The following PTPRZ1 variants were observed in gnomAD, a reference collection of about 807,000 sequenced individuals.
The protein encoded by PTPRZ1 is receptor-type tyrosine-protein phosphatase zeta.
PTPRZ1 carries 82 observed loss-of-function variants against 214.1 expected under a neutral mutation model. That is an observed-to-expected ratio of 0.38 (90% confidence interval 0.32 to 0.46). The LOEUF (loss-of-function observed/expected upper bound fraction) is 0.46. Ranked by LOEUF, PTPRZ1 falls within the 20% of genes least tolerant of loss-of-function variation. The pLI, the probability that PTPRZ1 is intolerant of heterozygous loss-of-function variation, is 1.00. For missense variants in PTPRZ1, 2,603 were observed against 2,748.7 expected (o/e 0.95, Z 1.19); for synonymous variants, 945 against 987.9 (o/e 0.96, Z 0.81).
At chr7:121,996,671 C>G (rs1053719999) in intron 9 of PTPRZ1, 105 bp downstream of exon 9, 2 of 948,294 alleles carry the variant, frequency 2.1e-6, no homozygotes, top group Admixed American at 5.8e-5. Flanking sequence ...TACTTTTAGA[C>G]TTTATGTGAA....
chr7:122,040,342 A>T (rs1205148026), intron 20 of PTPRZ1, among the ~76,000 whole-genome samples: 2 of 152,232 alleles, frequency 1.3e-5, no homozygotes, highest in African/African-American at 2.4e-5. Flanking sequence ...GGATTAGCAA[A>T]TCTTAAACCT....
At chr7:121,962,290 T>C (rs1490052887) in intron 2 of PTPRZ1, among the ~76,000 whole-genome samples, 1 of 151,552 alleles carries the variant, frequency 6.6e-6, no homozygotes, top group African/African-American at 2.4e-5. Flanking sequence ...CTACTAAAAA[T>C]ACAAAAAGTT....
rs183878270 is a variant in PTPRZ1, at chr7:121,906,193, A to G, written c.59-21963A>G. On this transcript the variant is annotated intron_variant, in intron 1 of 29. Transcript: ENST00000393386. ...TCTCTACCTCCATTTAAAGGAAGCAATTATTCCAAAAGCACAGGATCTCTG... is the reference window on the plus strand; with the variant it reads ...TCTCTACCTCCATTTAAAGGAAGCAGTTATTCCAAAAGCACAGGATCTCTG... 1.9e-3 allele frequency among the ~76,000 whole-genome samples: 292 copies of G among 152,262 alleles called. 1 individual carries two copies. The highest frequency in any genetic ancestry group is 3.3e-3 in the Admixed American group (51 of 15,280).
rs1302448770 is a variant in PTPRZ1 at position 122,010,827 on chromosome 7, C to T, written c.1781C>T (p.Ser594Phe). 4 of 1,613,998 alleles carry T rather than the reference C, an allele frequency of 2.5e-6. No homozygotes were observed. The African/African-American group carries it at 4.0e-5, about 16-fold the overall frequency. Residue 594 changes from serine to phenylalanine, a missense_variant, in exon 12 of 30, where the codon TCT becomes TTT. Physicochemically the swap from Ser to Phe is radical, Grantham distance 155 (BLOSUM62 -2). Around this residue, in one of 6 missense-constraint regions of PTPRZ1, gnomAD observed 1,913 missense variants for 1,914.3 expected, o/e 1.00. Coordinates refer to ENST00000393386, the MANE Select transcript of PTPRZ1 (RefSeq NM_002851.3). Reference protein sequence around the residue: ...EDSSGSSPATSAIPFISENIS... With the variant: ...EDSSGSSPATFAIPFISENIS... ...TCTTCAGGCTCCAGTCCCGCAACTTCTGCTATCCCATTCATCTCTGAGAAC... is the reference window on the plus strand; with the variant it reads ...TCTTCAGGCTCCAGTCCCGCAACTTTTGCTATCCCATTCATCTCTGAGAAC...
intron 2 of PTPRZ1, among the ~76,000 whole-genome samples, chr7:121,950,009 A>G (rs970201495): frequency 1.3e-5 from 2 of 152,218 alleles, no homozygotes; most frequent in Non-Finnish European, 2.9e-5. Context: ...TGATAAAGAC[A>G]TACCCGCGAC....
chr7:122,051,372 T>TA (rs1305647569), intron 23 of PTPRZ1, 56 bp from the exon 24 acceptor site: 37 of 1,179,860 alleles, frequency 3.1e-5, no homozygotes, highest in Non-Finnish European at 4.4e-5. Flanking sequence ...TGTGTGTGTG[T>TA]GTATTTGGGG....
intron 3 of PTPRZ1, among the ~76,000 whole-genome samples, chr7:121,970,794 C>T (rs959720650): frequency 2.0e-5 from 3 of 152,130 alleles, no homozygotes; most frequent in South Asian, 4.1e-4. Flanking sequence ...TGTGCAGAAG[C>T]TCTTTAGTTT....
At chr7:121,995,866 CAA>C (rs374856259) in intron 8 of PTPRZ1, among the ~76,000 whole-genome samples, 30 of 152,098 alleles carry the variant, frequency 2.0e-4, no homozygotes, top group African/African-American at 6.5e-4. Flanking sequence ...AGGTACCAAA[CAA>C]GAGAAATTAA....
At chr7:121,970,518 ATTGTGG>A (rs925792531) in intron 3 of PTPRZ1, among the ~76,000 whole-genome samples, 1 of 152,000 alleles carries the variant, frequency 6.6e-6, no homozygotes, top group Non-Finnish European at 1.5e-5. Context: ...ATGATATCTC[ATTGTGG>A]TTTTGATTTG....
intron 4 of PTPRZ1, among the ~76,000 whole-genome samples, chr7:121,975,801 C>T (rs529309008): frequency 6.6e-6 from 1 of 152,064 alleles, no homozygotes; most frequent in East Asian, 1.9e-4. Context: ...TATTAATAGA[C>T]CACAATATGG....
chr7:121,986,562 A>C (rs1797767741), intron 8 of PTPRZ1, among the ~76,000 whole-genome samples: 1 of 152,208 alleles, frequency 6.6e-6, no homozygotes, highest in African/African-American at 2.4e-5. Context: ...AAAGTAAGGA[A>C]AATAATTTTC....
intron 2 of PTPRZ1, among the ~76,000 whole-genome samples, chr7:121,958,203 A>T (rs1448479108): frequency 6.6e-6 from 1 of 152,200 alleles, no homozygotes; most frequent in African/African-American, 2.4e-5. Flanking sequence ...TTGCAAGTCT[A>T]TCATTTCACG....
At chr7:121,985,413 T>A (rs1424674095) in intron 8 of PTPRZ1, among the ~76,000 whole-genome samples, 1 of 152,214 alleles carries the variant, frequency 6.6e-6, no homozygotes, top group Admixed American at 6.5e-5. Context: ...TCTGCATCAC[T>A]TTTGGAATAA....
chr7:122,015,973 T>G (rs1798830113), intron 12 of PTPRZ1, among the ~76,000 whole-genome samples: 1 of 152,062 alleles, frequency 6.6e-6, no homozygotes, highest in Non-Finnish European at 1.5e-5. Context: ...ATTGAATATA[T>G]CCCTTTATCA....
intron 1 of PTPRZ1, among the ~76,000 whole-genome samples, chr7:121,903,380 A>G (rs528576838): frequency 2.0e-5 from 3 of 152,316 alleles, no homozygotes; most frequent in East Asian, 3.9e-4. Context: ...TATTTGTACA[A>G]TGAAAAAATG....
chr7:122,006,830 G>A (rs1798502072), intron 11 of PTPRZ1, among the ~76,000 whole-genome samples: 1 of 152,102 alleles, frequency 6.6e-6, no homozygotes, highest in Admixed American at 6.6e-5. Flanking sequence ...TCACAGGTGT[G>A]GGAAGTCTTA....
At chr7:122,030,549 A>G (rs1395347291) in intron 14 of PTPRZ1, among the ~76,000 whole-genome samples, 3 of 152,070 alleles carry the variant, frequency 2.0e-5, no homozygotes, top group African/African-American at 7.2e-5. Flanking sequence ...ATTCAATTTT[A>G]GTATTCAGAT....
intron 29 of PTPRZ1, 75 bp downstream of exon 29, chr7:122,059,963 A>T (rs1007362313): frequency 2.0e-5 from 28 of 1,417,334 alleles, no homozygotes; most frequent in Non-Finnish European, 2.6e-5. Context: ...CTGAAATCTT[A>T]TGTATCAAGA....
At chr7:121,989,743 A>G (rs1797890551) in intron 8 of PTPRZ1, among the ~76,000 whole-genome samples, 1 of 152,188 alleles carries the variant, frequency 6.6e-6, no homozygotes, top group South Asian at 2.1e-4. Flanking sequence ...TGAGGATTGT[A>G]TTTATATTCA....
Sources: allele counts gnomAD v4.1 joint callset (sites outside exome capture counted in the v4.1 genomes callset), GRCh38; gene constraint gnomAD v4.1.1; regional missense constraint gnomAD v4.1.1; transcripts MANE v1.5; gene names NCBI Gene and HGNC (gene_info 2026-07-23, HGNC 2026-07-21).